The following NUDT4 variants were observed in gnomAD, a reference collection of about 807,000 sequenced individuals.
The protein encoded by NUDT4 is nudix hydrolase 4.
In NUDT4, 5 loss-of-function variants were observed where a neutral mutation model predicts 23.1. The ratio of observed to expected loss-of-function variants is 0.22; its 90% confidence interval spans 0.11 to 0.46. The LOEUF is 0.46. NUDT4 is among the 20% of genes least tolerant of loss of function. The probability of loss-of-function intolerance (pLI) is 0.99; values close to 1 mark genes in which losing one functional copy is unlikely to be tolerated. For missense variants in NUDT4, 96 were observed against 211.6 expected, an observed-to-expected ratio of 0.45 and a Z score of 3.39; for synonymous variants, 50 against 79.0, an observed-to-expected ratio of 0.63 and a Z score of 1.95.
intron 3 of NUDT4, among the ~76,000 whole-genome samples, chr12:93,396,811 G>A (rs1312862103): frequency 6.6e-6 from 1 of 152,204 alleles, no homozygotes; most frequent in East Asian, 1.9e-4. Flanking sequence ...TACTTGGGAG[G>A]CTGAGGCAGA....
At chr12:93,390,166 T>A (rs1876388670) in intron 1 of NUDT4, among the ~76,000 whole-genome samples, 1 of 152,164 alleles carries the variant, frequency 6.6e-6, no homozygotes, top group South Asian at 2.1e-4. Context: ...CTGCGTTATG[T>A]CCCATTATTA....
In NUDT4 at chr12:93,393,177, C is replaced by T. The variant is rs1876683904; in HGVS notation, c.100-1432C>T. ...TGGTGCAATCTCTGCTCACTGCTCA[C>T]TGCAACCTCCGCCTCCCAGGTTCAA... On this transcript the variant is annotated intron_variant, in intron 1 of 4. Transcript: ENST00000415493. Among the ~76,000 whole-genome samples the T allele has an allele frequency of 3.6e-5, 5 of 138,756 alleles. No individual in the cohort carries two copies. The South Asian group carries it at 1.3e-3, about 35-fold the overall frequency. 91.0% of individuals were successfully genotyped at this position (138,756 alleles called of 152,430 possible). A position where few individuals can be genotyped will look rare whatever the true frequency, so the allele number is the denominator to read the frequency against.
intron 1 of NUDT4, among the ~76,000 whole-genome samples, chr12:93,380,140 CTGTT>C (rs1875554831): frequency 6.6e-6 from 1 of 152,036 alleles, no homozygotes; most frequent in Admixed American, 6.6e-5. Flanking sequence ...ATGTTGGGCT[CTGTT>C]TGTTGAGTGA....
Position 93,385,923 on chromosome 12 carries a change from T to C in NUDT4, c.99+7502T>C, listed in dbSNP as rs913015289. 4.4e-5 allele frequency among the ~76,000 whole-genome samples: 6 copies of C among 137,412 alleles called. 1 individual carries two copies. Among genetic ancestry groups the C allele is most frequent in the Admixed American group, 3.8e-4 (5 of 12,998 alleles). The allele number at this position is 137,412 out of a possible 152,430, so 90.1% of individuals were successfully genotyped here. On this transcript the variant is annotated intron_variant, in intron 1 of 4. Coordinates refer to ENST00000415493, the MANE Select transcript of NUDT4 (RefSeq NM_019094.6). ...TCTGCATGTATAGATTTTATATATATATATATAGTAAATCTTTTTATATAT... is the reference window on the plus strand; with the variant it reads ...TCTGCATGTATAGATTTTATATATACATATATAGTAAATCTTTTTATATAT...
chr12:93,407,601 A>C lies in NUDT4; in HGVS notation c.*8222A>C, dbSNP rs1395916956. ...CCTCTCAGTTAAGTCCCGTGCACAAAGGTGGGTCAGGTCTACTGTTGCCAG... is the reference window on the plus strand; with the variant it reads ...CCTCTCAGTTAAGTCCCGTGCACAACGGTGGGTCAGGTCTACTGTTGCCAG... On this transcript the variant is annotated 3_prime_UTR_variant, in exon 5 of 5. Transcript: ENST00000415493. The C allele has an allele frequency of 6.6e-6, 1 of 152,232 alleles. No individual in the cohort carries two copies. The highest frequency in any genetic ancestry group is 6.5e-5 in the Admixed American group (1 of 15,278). The allele number at this position is 152,232 out of a possible 1,614,324, so 9.4% of individuals were successfully genotyped here.
intron 1 of NUDT4, among the ~76,000 whole-genome samples, chr12:93,381,363 C>A (rs563436624): frequency 5.9e-5 from 9 of 152,318 alleles, no homozygotes; most frequent in South Asian, 2.1e-4. Context: ...CAGCTAATTG[C>A]CCTGTAGAGT....
At chr12:93,398,619 T>C (rs1877115433) in intron 3 of NUDT4, 152 bp from the exon 4 acceptor site, 2 of 536,700 alleles carry the variant, frequency 3.7e-6, no homozygotes, top group East Asian at 3.1e-5. Flanking sequence ...AAAGTCACTT[T>C]TGTGTTGGAC....
intron 1 of NUDT4, among the ~76,000 whole-genome samples, chr12:93,387,123 G>A (rs1195783745): frequency 6.6e-6 from 1 of 151,890 alleles, no homozygotes; most frequent in East Asian, 1.9e-4. Flanking sequence ...GTAGAGATGA[G>A]GTTTCACCAT....
chr12:93,382,427 C>A (rs904998252), intron 1 of NUDT4, among the ~76,000 whole-genome samples: 6 of 152,092 alleles, frequency 3.9e-5, no homozygotes, highest in African/African-American at 1.4e-4. Context: ...CAAAATCATG[C>A]AGTAAAGCTT....
chr12:93,382,218 C>A (rs1875709865), intron 1 of NUDT4, among the ~76,000 whole-genome samples: 1 of 146,504 alleles, frequency 6.8e-6, no homozygotes, highest in South Asian at 2.2e-4. Context: ...GAGCCGAGAT[C>A]ATGCCATTGC....
At chr12:93,399,153 A>G (rs780198532) in intron 4 of NUDT4, 24 bp from the exon 5 acceptor site, 1 of 1,571,780 alleles carries the variant, frequency 6.4e-7, no homozygotes, top group South Asian at 1.1e-5. Context: ...ACTGTCTTGT[A>G]ACCAATGTCA....
intron 1 of NUDT4, among the ~76,000 whole-genome samples, chr12:93,384,174 G>C (rs985728160): frequency 6.6e-6 from 1 of 151,826 alleles, no homozygotes; most frequent in South Asian, 2.1e-4. Flanking sequence ...ATAGATCAGG[G>C]GTGCCCAAGC....
At position 93,402,847 on chromosome 12, in the gene NUDT4, C is replaced by T. The variant is rs1052858509; in HGVS notation, c.*3468C>T. On this transcript the variant is annotated 3_prime_UTR_variant, in exon 5 of 5. Coordinates refer to ENST00000415493, the MANE Select transcript of NUDT4 (RefSeq NM_019094.6). ...AAGCATAACTGGCTAAGTCACCGCC[C>T]CACCCGCCGCATTACATTTCCTAAA... 1.6e-5 allele frequency: 2 copies of T among 122,298 alleles called. No homozygotes were observed. The highest frequency in any genetic ancestry group is 7.9e-5 in the African/African-American group (2 of 25,386). The allele number at this position is 122,298 out of a possible 1,614,324, so 7.6% of individuals were successfully genotyped here. A position where few individuals can be genotyped will look rare whatever the true frequency, so the allele number is the denominator to read the frequency against.
At chr12:93,380,119 C>T (rs1372788662) in intron 1 of NUDT4, among the ~76,000 whole-genome samples, 3 of 152,288 alleles carry the variant, frequency 2.0e-5, no homozygotes, top group African/African-American at 7.2e-5. Flanking sequence ...AGGGTCCAGT[C>T]CTTACTCCTG....
At chr12:93,378,814 G>T in intron 1 of NUDT4, 1 of 993,842 alleles carries the variant, frequency 1.0e-6, no homozygotes, top group Non-Finnish European at 1.2e-6. Context: ...CAGAGCCCTT[G>T]TGCCTCTTTT....
chr12:93,398,967 G>A, intron 4 of NUDT4, 112 bp downstream of exon 4: 1 of 859,466 alleles, frequency 1.2e-6, no homozygotes, highest in Non-Finnish European at 1.8e-6. Flanking sequence ...TTATATTCCT[G>A]TGTCCAGTTT....
At position 93,396,258 on chromosome 12, in the gene NUDT4, G is replaced by A. The variant is rs79262423; in HGVS notation, c.255+725G>A. 1.4e-3 allele frequency among the ~76,000 whole-genome samples: 213 copies of A among 152,208 alleles called. 2 individuals carry two copies. The highest frequency in any genetic ancestry group is 4.9e-3 in the African/African-American group (202 of 41,528). On this transcript the variant is annotated intron_variant, in intron 3 of 4. Transcript: ENST00000415493. The stretch of plus-strand genomic sequence containing the variant: ...CACCTAGTGACTTAAAGGATTGTAC[G>A]AAGATATAAATCTCAGGTACATAGA...
At position 93,406,275 on chromosome 12, in the gene NUDT4, C is replaced by CCAAAAAAAAAA. The variant is rs1287037705; in HGVS notation, c.*6896_*6897insCAAAAAAAAAA. ...AGAGCTAGAAAGTGGCTAGAGCAGC[C>CCAAAAAAAAAA]AAAAAAAAAAAAAAAAAAAAAAAAA... On this transcript the variant is annotated 3_prime_UTR_variant, in exon 5 of 5. Coordinates refer to ENST00000415493, the MANE Select transcript of NUDT4 (RefSeq NM_019094.6). The CCAAAAAAAAAA allele has an allele frequency of 2.6e-5, 1 of 37,990 alleles. No individual in the cohort carries two copies. Among genetic ancestry groups the CCAAAAAAAAAA allele is most frequent in the African/African-American group, 8.3e-5 (1 of 12,012 alleles). The allele number at this position is 37,990 out of a possible 1,614,324, so 2.4% of individuals were successfully genotyped here.
At chr12:93,393,090 CTTTTT>C in intron 1 of NUDT4, among the ~76,000 whole-genome samples, 1 of 114,858 alleles carries the variant, frequency 8.7e-6, no homozygotes, top group South Asian at 3.0e-4. Flanking sequence ...AGATTTCAGT[CTTTTT>C]TTTTTTTTTT....
Sources: allele counts gnomAD v4.1 joint callset (sites outside exome capture counted in the v4.1 genomes callset), GRCh38; gene constraint gnomAD v4.1.1; transcripts MANE v1.5; gene names NCBI Gene and HGNC (gene_info 2026-07-23, HGNC 2026-07-21).